CAMK2B: variants seen among roughly 807,000 people sequenced by gnomAD.
CAMK2B encodes the protein calcium/calmodulin-dependent protein kinase type II subunit beta.
A neutral mutation model predicts 93.7 loss-of-function variants in CAMK2B; 27 were observed. The observed-to-expected ratio is 0.29, with a 90% CI of 0.21 to 0.40. The LOEUF (loss-of-function observed/expected upper bound fraction) is 0.40. Ranked by LOEUF, CAMK2B falls within the 10% of genes least tolerant of loss-of-function variation. CAMK2B has a pLI of 1.00. For synonymous variants in CAMK2B, 374 were observed against 358.8 expected, an observed-to-expected ratio of 1.04 and a Z score of -0.48; for missense variants, 568 against 895.8, an observed-to-expected ratio of 0.63 and a Z score of 4.67.
intron 2 of CAMK2B, among the ~76,000 whole-genome samples, chr7:44,278,829 C>A (rs985767680): frequency 1.2e-4 from 18 of 152,248 alleles, no homozygotes; most frequent in African/African-American, 4.1e-4. Context: ...CAGATTTCAA[C>A]TCCAAGGGGA....
intron 16 of CAMK2B, among the ~76,000 whole-genome samples, chr7:44,231,787 G>C (rs1019901859): frequency 6.6e-6 from 1 of 152,226 alleles, no homozygotes; most frequent in Admixed American, 6.5e-5. Context: ...CCCTGCTCCA[G>C]GGCTGCTGCC....
At chr7:44,237,544 G>A (rs2096637852) in intron 13 of CAMK2B, among the ~76,000 whole-genome samples, 1 of 152,216 alleles carries the variant, frequency 6.6e-6, no homozygotes, top group South Asian at 2.1e-4. Context: ...GCGCAGTGTG[G>A]GGTGCATGGG....
At chr7:44,303,472 A>G (rs767970599) in intron 1 of CAMK2B, among the ~76,000 whole-genome samples, 3 of 152,198 alleles carry the variant, frequency 2.0e-5, no homozygotes, top group Non-Finnish European at 4.4e-5. Flanking sequence ...GGAGAAGAGC[A>G]AAGTCTGAGG....
At chr7:44,261,628 G>A (rs80328241) in intron 3 of CAMK2B, among the ~76,000 whole-genome samples, 27 of 152,258 alleles carry the variant, frequency 1.8e-4, no homozygotes, top group Admixed American at 1.3e-3. Context: ...AGTCTGGGCC[G>A]TATGCATGTG....
At chr7:44,294,406 C>T (rs1584713143) in intron 1 of CAMK2B, among the ~76,000 whole-genome samples, 1 of 152,140 alleles carries the variant, frequency 6.6e-6, no homozygotes, top group South Asian at 2.1e-4. Context: ...CCTCTCTGTC[C>T]CAGCGACCAG....
chr7:44,254,412 TC>T (rs2096812625), intron 5 of CAMK2B, 129 bp downstream of exon 5: 11 of 715,018 alleles, frequency 1.5e-5, no homozygotes, highest in South Asian at 1.5e-4. Context: ...TGCCCATCGC[TC>T]TGGGGTGTGG....
intron 13 of CAMK2B, among the ~76,000 whole-genome samples, chr7:44,236,127 C>G (rs962072867): frequency 6.6e-6 from 1 of 151,944 alleles, no homozygotes; most frequent in Non-Finnish European, 1.5e-5. Context: ...ACGCTGGGTG[C>G]TCCAGGTTGC....
chr7:44,289,034 G>A (rs944831368), intron 1 of CAMK2B, among the ~76,000 whole-genome samples: 1 of 152,234 alleles, frequency 6.6e-6, no homozygotes, highest in African/African-American at 2.4e-5. Context: ...TCTCCTCCTC[G>A]CATCCAGTCT....
Position 44,226,665 on chromosome 7 carries a change from C to T in CAMK2B, c.1469-21G>A, listed in dbSNP as rs748100805. ...GGGGGCTGGGGCGGAACAGACGAGACGTGAACACAAGGCAGGCACGGGGGG... is the reference window on the plus strand; with the variant it reads ...GGGGGCTGGGGCGGAACAGACGAGATGTGAACACAAGGCAGGCACGGGGGG... On this transcript the variant is annotated intron_variant, in intron 19 of 23. Coordinates refer to ENST00000395749, the MANE Select transcript of CAMK2B (RefSeq NM_001220.5). 122 of 1,520,256 alleles carry T rather than the reference C, an allele frequency of 8.0e-5. 1 individual carries two copies. In the East Asian group the frequency reaches 1.2e-3, roughly 16 times the overall value. The allele number at this position is 1,520,256 out of a possible 1,614,324, so 94.2% of individuals were successfully genotyped here. A position where few individuals can be genotyped will look rare whatever the true frequency, so the allele number is the denominator to read the frequency against.
chr7:44,282,524 G>A (rs991407101), intron 2 of CAMK2B, among the ~76,000 whole-genome samples: 2 of 152,204 alleles, frequency 1.3e-5, no homozygotes, highest in African/African-American at 4.8e-5. Flanking sequence ...CACACATGGG[G>A]ACTGACCCAG....
At chr7:44,262,890 A>G in intron 3 of CAMK2B, 115 bp downstream of exon 3, 2 of 895,728 alleles carry the variant, frequency 2.2e-6, no homozygotes, top group Non-Finnish European at 1.7e-6. Flanking sequence ...ATTTCAACAG[A>G]GAAGAAAAGG....
intron 4 of CAMK2B, among the ~76,000 whole-genome samples, chr7:44,258,076 T>C (rs142524988): frequency 1.3e-5 from 2 of 152,322 alleles, no homozygotes; most frequent in African/African-American, 2.4e-5. Context: ...CAGCTAAATA[T>C]AGCGCTGCTT....
Position 44,258,908 on chromosome 7 carries a change from A to T in CAMK2B, c.239T>A (p.Ile80Asn). 6.2e-7 allele frequency: 1 copy of T among 1,613,960 alleles called. No individual in the cohort carries two copies. The highest frequency in any genetic ancestry group is 8.5e-7 in the Non-Finnish European group (1 of 1,179,932). The stretch of plus-strand genomic sequence containing the variant: ...CAGGTAGTGGAAGCCCTCCTCGGAG[A>T]TGCTGTCGTGGAGACGCACTGTGGG... ...HSNIVRLHDS[I>N]SEEGFHYLVF... is the part of the protein sequence containing the mutation. The change falls in exon 4 of 24, where the codon ATC (isoleucine) becomes AAC (asparagine). Residue 80 changes from isoleucine (I) to asparagine (N), a missense_variant. This residue lies in a region of CAMK2B where 105 missense variants were observed against 372.4 expected (regional missense o/e 0.28). Coordinates refer to ENST00000395749, the MANE Select transcript of CAMK2B (RefSeq NM_001220.5).
At chr7:44,265,874 G>T (rs770417175) in intron 2 of CAMK2B, among the ~76,000 whole-genome samples, 1 of 151,618 alleles carries the variant, frequency 6.6e-6, no homozygotes, top group East Asian at 1.9e-4. Context: ...TCAGAGAGCC[G>T]CTTGGAAACC....
At chr7:44,272,038 C>T (rs540268052) in intron 2 of CAMK2B, among the ~76,000 whole-genome samples, 363 of 152,280 alleles carry the variant, frequency 2.4e-3, no homozygotes, top group African/African-American at 8.3e-3. Flanking sequence ...TGGAGCTGGA[C>T]CCCGTCACAG....
At chr7:44,306,912 AGGG>A (rs1791819726) in intron 1 of CAMK2B, among the ~76,000 whole-genome samples, 2 of 120,516 alleles carry the variant, frequency 1.7e-5, no homozygotes, top group African/African-American at 3.2e-5. Context: ...CGGTGTGAGC[AGGG>A]GGAAGAGGGT....
intron 2 of CAMK2B, among the ~76,000 whole-genome samples, chr7:44,265,893 T>C (rs1422358377): frequency 6.6e-6 from 1 of 151,512 alleles, no homozygotes; most frequent in Non-Finnish European, 1.5e-5. Flanking sequence ...CCATAAACCA[T>C]GACACAAGAT....
intron 1 of CAMK2B, among the ~76,000 whole-genome samples, chr7:44,307,382 G>C (rs28449681): frequency 1.1e-3 from 143 of 128,880 alleles, no homozygotes; most frequent in African/African-American, 4.0e-3. Flanking sequence ...AGGAGGGTGT[G>C]AGCAGGGAGA....
At chr7:44,290,639 T>C (rs1207838204) in intron 1 of CAMK2B, among the ~76,000 whole-genome samples, 2 of 152,216 alleles carry the variant, frequency 1.3e-5, no homozygotes, top group Non-Finnish European at 2.9e-5. Flanking sequence ...TTGGTATTTA[T>C]TTGTGTGTTG....
Sources: allele counts gnomAD v4.1 joint callset (sites outside exome capture counted in the v4.1 genomes callset), GRCh38; gene constraint gnomAD v4.1.1; regional missense constraint gnomAD v4.1.1; transcripts MANE v1.5; gene names NCBI Gene and HGNC (gene_info 2026-07-23, HGNC 2026-07-21).